Variants in SETBP1 observed in about 807,000 individuals in gnomAD.
SETBP1 encodes the protein SET-binding protein.
In SETBP1, 9 loss-of-function variants were observed where a neutral mutation model predicts 101.0. The observed-to-expected ratio is 0.09, with a 90% CI of 0.05 to 0.16. The LOEUF (loss-of-function observed/expected upper bound fraction) is 0.16. Ranked by LOEUF, SETBP1 falls within the 10% of genes least tolerant of loss-of-function variation. The pLI is 1.00. For missense variants in SETBP1, 1,858 were observed against 2,033.8 expected (o/e 0.91, Z 1.66); for synonymous variants, 818 against 788.5 (o/e 1.04, Z -0.63).
intron 4 of SETBP1, among the ~76,000 whole-genome samples, chr18:45,007,170 G>C (rs2187400): frequency 0.048 from 7,380 of 152,250 alleles, 208 homozygotes; most frequent in South Asian, 0.11. Flanking sequence ...CTAACGACTT[G>C]CCTGGCCCAC....
chr18:44,926,200 T>C (rs534230507), intron 3 of SETBP1, among the ~76,000 whole-genome samples: 4 of 152,140 alleles, frequency 2.6e-5, no homozygotes, highest in Non-Finnish European at 4.4e-5. Context: ...CCAAAAGTGC[T>C]GAGATTACAG....
intron 2 of SETBP1, among the ~76,000 whole-genome samples, chr18:44,742,497 G>A (rs778813921): frequency 5.9e-5 from 9 of 152,174 alleles, no homozygotes; most frequent in Non-Finnish European, 1.0e-4. Context: ...CTCATTGGCT[G>A]GCATTGCTTT....
At chr18:44,861,310 C>A (rs944996695) in intron 2 of SETBP1, among the ~76,000 whole-genome samples, 2 of 142,282 alleles carry the variant, frequency 1.4e-5, no homozygotes, top group African/African-American at 5.3e-5. Flanking sequence ...GTGATCTCGG[C>A]TCACTGCAAC....
chr18:44,693,137 T>C (rs1336804008), intron 1 of SETBP1, among the ~76,000 whole-genome samples: 2 of 152,194 alleles, frequency 1.3e-5, no homozygotes, highest in Non-Finnish European at 2.9e-5. Flanking sequence ...GTGGAGCATT[T>C]ACTCTGGGTG....
chr18:44,720,029 G>A (rs746372156), intron 2 of SETBP1, among the ~76,000 whole-genome samples: 1 of 152,126 alleles, frequency 6.6e-6, no homozygotes, highest in Non-Finnish European at 1.5e-5. Context: ...AGCTGAAGAG[G>A]GTGGCGCGCA....
At chr18:44,939,528 T>C (rs144354828) in intron 3 of SETBP1, among the ~76,000 whole-genome samples, 2 of 152,328 alleles carry the variant, frequency 1.3e-5, no homozygotes, top group Non-Finnish European at 2.9e-5. Context: ...GCTATAAAGT[T>C]TTTATAAAAG....
At chr18:44,931,322 G>A (rs1447631955) in intron 3 of SETBP1, among the ~76,000 whole-genome samples, 4 of 152,130 alleles carry the variant, frequency 2.6e-5, no homozygotes, top group African/African-American at 9.7e-5. Context: ...TATAATTTCT[G>A]TTCTTTTACA....
intron 5 of SETBP1, among the ~76,000 whole-genome samples, chr18:45,047,032 T>C (rs181873526): frequency 1.3e-5 from 2 of 152,308 alleles, no homozygotes; most frequent in East Asian, 3.9e-4. Flanking sequence ...TAACTCAATT[T>C]ATCTTCTCTG....
chr18:44,843,252 C>A (rs2072658331), intron 2 of SETBP1, among the ~76,000 whole-genome samples: 1 of 152,232 alleles, frequency 6.6e-6, no homozygotes, highest in South Asian at 2.1e-4. Context: ...GGCCTGAGGG[C>A]CACAGTCATC....
At chr18:45,039,965 C>T (rs2073476713) in intron 5 of SETBP1, among the ~76,000 whole-genome samples, 1 of 152,164 alleles carries the variant, frequency 6.6e-6, no homozygotes, top group Non-Finnish European at 1.5e-5. Context: ...AAGCTGCTGC[C>T]TTACCCCTGG....
rs1481422891 is a variant in SETBP1, at chr18:45,063,557, C to T, written c.4650C>T (p.Gly1550=). ...PPPPLPKTPR[G]GKRKHKPQAP... is the part of the protein sequence containing the mutation. ...CCCCTCTACCCAAGACCCCCCGAGG[C>T]GGAAAGAGGAAACACAAACCGCAGG... Residue 1550 remains glycine (G), a synonymous_variant, in exon 6 of 6, where the codon GGC becomes GGT. Coordinates refer to ENST00000649279, the MANE Select transcript of SETBP1 (RefSeq NM_015559.3). 1.5e-6 allele frequency: 2 copies of T among 1,336,280 alleles called. No individual in the cohort carries two copies. Among genetic ancestry groups the T allele is most frequent in the African/African-American group, 1.6e-5 (1 of 64,390 alleles). 82.8% of individuals were successfully genotyped at this position (1,336,280 alleles called of 1,614,324 possible). A position where few individuals can be genotyped will look rare whatever the true frequency, so the allele number is the denominator to read the frequency against.
At chr18:44,912,435 T>C (rs1423183532) in intron 3 of SETBP1, among the ~76,000 whole-genome samples, 1 of 152,200 alleles carries the variant, frequency 6.6e-6, no homozygotes, top group Non-Finnish European at 1.5e-5. Context: ...CTTTATTTCT[T>C]GATGCTCACT....
intron 4 of SETBP1, among the ~76,000 whole-genome samples, chr18:44,995,531 G>T (rs190771947): frequency 0.039 from 2,835 of 73,000 alleles, 87 homozygotes; most frequent in African/African-American, 0.11. Flanking sequence ...CCAGGCTTTT[G>T]TGTGTGTGTG....
At chr18:45,053,641 A>T (rs1018761231) in intron 5 of SETBP1, among the ~76,000 whole-genome samples, 2 of 152,230 alleles carry the variant, frequency 1.3e-5, no homozygotes, top group African/African-American at 4.8e-5. Context: ...GATACTCACC[A>T]TTATATGTAA....
chr18:45,017,956 G>A (rs1342338734), intron 4 of SETBP1, among the ~76,000 whole-genome samples: 1 of 152,186 alleles, frequency 6.6e-6, no homozygotes, highest in East Asian at 1.9e-4. Flanking sequence ...AGAGGACCAG[G>A]GTGCAGAGGT....
In SETBP1 at chr18:45,049,347, G is replaced by A. The variant is rs530037148; in HGVS notation, c.4171+10692G>A. Among the ~76,000 whole-genome samples, 10 of 152,186 alleles carry A rather than the reference G, an allele frequency of 6.6e-5. No individual in the cohort carries two copies. In the East Asian group the frequency reaches 1.9e-3, roughly 29 times the overall value. The stretch of plus-strand genomic sequence containing the variant: ...AGATCAGAAGATGGAGTACCCAAAA[G>A]TCTAGAATAAGGCAGGGTGACTATT... On this transcript the variant is annotated intron_variant, in intron 5 of 5. Transcript: ENST00000649279.
intron 2 of SETBP1, among the ~76,000 whole-genome samples, chr18:44,813,791 G>A (rs1053179846): frequency 2.0e-5 from 3 of 152,212 alleles, no homozygotes; most frequent in Admixed American, 6.5e-5. Context: ...ATTTGAGTCA[G>A]ACCCTCAGGT....
intron 4 of SETBP1, among the ~76,000 whole-genome samples, chr18:45,013,202 A>G (rs2072874812): frequency 6.6e-6 from 1 of 152,170 alleles, no homozygotes; most frequent in Non-Finnish European, 1.5e-5. Flanking sequence ...GGAGGCTGAG[A>G]TAACATGGGG....
chr18:44,924,923 G>C (rs909866390), intron 3 of SETBP1, among the ~76,000 whole-genome samples: 1 of 151,786 alleles, frequency 6.6e-6, no homozygotes, highest in Non-Finnish European at 1.5e-5. Context: ...AGAGCAGGAC[G>C]GCAGTTCAGG....
Sources: gnomAD v4.1 joint callset for allele counts (sites outside exome capture counted in the v4.1 genomes callset) on GRCh38, gnomAD v4.1.1 for gene constraint, MANE v1.5 for transcripts, NCBI Gene and HGNC (gene_info 2026-07-23, HGNC 2026-07-21) for gene names.